The following QTRT1 variants were observed in gnomAD, a reference collection of about 807,000 sequenced individuals.
QTRT1 encodes TGT, 43-KD subunit.
Under a neutral mutation model 44.0 loss-of-function variants are expected in QTRT1, and 41 were observed. That is an observed-to-expected ratio of 0.93 (90% CI 0.73 to 1.21). The LOEUF (loss-of-function observed/expected upper bound fraction) is 1.21, where lower values mean the gene tolerates loss of function less well. QTRT1 is among the 50% of genes most tolerant of loss of function. The probability of loss-of-function intolerance (pLI) is 0.00; values close to 1 mark genes in which losing one functional copy is unlikely to be tolerated. For synonymous variants in QTRT1, 226 were observed against 237.1 expected (o/e 0.95, Z 0.43); for missense variants, 542 against 575.8 (o/e 0.94, Z 0.60).
intron 5 of QTRT1, chr19:10,711,274 C>T (rs1262232733): frequency 5.9e-5 from 9 of 152,190 alleles, no homozygotes; most frequent in African/African-American, 1.7e-4. Flanking sequence ...CGGGTTCAAG[C>T]GATTCTTCTG....
Position 10,713,104 on chromosome 19 carries a change from TC to T in QTRT1, c.1060-10del. On this transcript the variant is annotated splice_polypyrimidine_tract_variant and intron_variant, in intron 9 of 9. Transcript: ENST00000250237. The surrounding 1 kb of genome is among the most constrained non-coding windows in gnomAD (Gnocchi z 4.3). Reference sequence around the variant, plus strand: ...TAGGTGCGTATGCCCCACGCTGACCTCCCCTCCCCGCAGCTGCAGCTCATGA... The same window carrying T: ...TAGGTGCGTATGCCCCACGCTGACCTCCCTCCCCGCAGCTGCAGCTCATGA... 1.2e-6 allele frequency: 2 copies of T among 1,608,310 alleles called. No individual in the cohort carries two copies.
At chr19:10,707,680 T>C in intron 5 of QTRT1, 65 bp downstream of exon 5, 1 of 1,226,690 alleles carries the variant, frequency 8.2e-7, no homozygotes, top group Non-Finnish European at 1.1e-6. Flanking sequence ...GGGCCTGGCG[T>C]ATGGCGGGAC....
intron 5 of QTRT1, chr19:10,711,081 C>G (rs1307219169): frequency 2.6e-5 from 4 of 152,268 alleles, no homozygotes; most frequent in Admixed American, 2.6e-4. Flanking sequence ...AATGCTCTCA[C>G]TCCCCTTTCC....
chr19:10,713,012 A>G lies in QTRT1; in HGVS notation c.1031A>G (p.His344Arg). 1 of 1,611,320 alleles carries G rather than the reference A, an allele frequency of 6.2e-7. No individual in the cohort carries two copies. The highest frequency in any genetic ancestry group is 8.5e-7 in the Non-Finnish European group (1 of 1,179,838). The part of the protein sequence containing the change: ...LHSDNTAALH[H>R]LTVHNIAYQL... ...AGTGACAACACGGCCGCGCTGCACC[A>G]CCTCACGGTCCACAACATCGCCTAC... Residue 344 changes from histidine (H) to arginine (R), a missense_variant, in exon 9 of 10, where the codon CAC becomes CGC. Physicochemically the swap from His to Arg is conservative, Grantham distance 29 (BLOSUM62 0). Coordinates refer to ENST00000250237, the MANE Select transcript of QTRT1 (RefSeq NM_031209.3). The surrounding 1 kb of genome is among the most constrained non-coding windows in gnomAD (Gnocchi z 4.3).
At position 10,707,556 on chromosome 19, in the gene QTRT1, A is replaced by G. The variant is rs771082404; in HGVS notation, c.587A>G (p.Asn196Ser). Reference sequence around the variant, plus strand: ...GCCCATCAGCGGCCGGACAAGCAGAACCTCTTCGCCATTATCCAGGGTGGG... The same window carrying G: ...GCCCATCAGCGGCCGGACAAGCAGAGCCTCTTCGCCATTATCCAGGGTGGG... ...IAAHQRPDKQ[N>S]LFAIIQGGLD... is the part of the protein sequence containing the mutation. The change falls in exon 5 of 10, where the codon AAC (asparagine) becomes AGC (serine). Residue 196 changes from asparagine to serine, a missense_variant. Physicochemically the swap from Asn to Ser is conservative, Grantham distance 46. Coordinates refer to ENST00000250237, the MANE Select transcript of QTRT1 (RefSeq NM_031209.3). 1 of 1,612,724 alleles carries G rather than the reference A, an allele frequency of 6.2e-7. No homozygotes were observed. Among genetic ancestry groups the G allele is most frequent in the South Asian group, 1.1e-5 (1 of 91,008 alleles).
intron 3 of QTRT1, chr19:10,706,790 C>G (rs1014657829): frequency 6.3e-6 from 1 of 159,512 alleles, no homozygotes; most frequent in Non-Finnish European, 1.4e-5. Flanking sequence ...TCAAGCTATT[C>G]TCCTGTCTCT....
chr19:10,704,466 T>C (rs2068703572), intron 3 of QTRT1, among the ~76,000 whole-genome samples: 1 of 151,670 alleles, frequency 6.6e-6, no homozygotes, highest in Admixed American at 6.6e-5. Flanking sequence ...GCTAATTTTT[T>C]TGTACTTTTA....
chr19:10,713,117 G>A lies in QTRT1; in HGVS notation c.1060-1G>A. The A allele has an allele frequency of 6.2e-7, 1 of 1,609,210 alleles. No homozygotes were observed. Among genetic ancestry groups the A allele is most frequent in the Non-Finnish European group, 8.5e-7 (1 of 1,179,346 alleles). ...CCCACGCTGACCTCCCCTCCCCGCA[G>A]CTGCAGCTCATGAGCGCCGTCCGCA... On this transcript the variant is annotated splice_acceptor_variant, in intron 9 of 9. Transcript: ENST00000250237. LOFTEE classifies it high-confidence loss of function. The surrounding 1 kb of genome is among the most constrained non-coding windows in gnomAD (Gnocchi z 4.3).
intron 3 of QTRT1, among the ~76,000 whole-genome samples, chr19:10,705,737 T>C (rs971269833): frequency 6.6e-6 from 1 of 150,990 alleles, no homozygotes; most frequent in Non-Finnish European, 1.5e-5. Context: ...GGTTTCACCA[T>C]ATTGGCCAGG....
intron 1 of QTRT1, 91 bp from the exon 2 acceptor site, chr19:10,701,859 G>T (rs1003111452): frequency 6.3e-7 from 1 of 1,577,364 alleles, no homozygotes; most frequent in African/African-American, 1.3e-5. Context: ...TGAAAGAGCA[G>T]CAGGGACTAA....
Position 10,712,045 on chromosome 19 carries a change from CTG to C in QTRT1, c.647-114_647-113del. 7.6e-7 allele frequency: 1 copy of C among 1,307,556 alleles called. No homozygotes were observed. Among genetic ancestry groups the C allele is most frequent in the Non-Finnish European group, 1.1e-6 (1 of 919,540 alleles). The allele number at this position is 1,307,556 out of a possible 1,614,324, so 81.0% of individuals were successfully genotyped here. ...TCTGGCTCTGTCTGTCTGTCTCTGT[CTG>C]TTTCTCTGACTCTCTCCCTGAGCGA... is the stretch of plus-strand genomic sequence containing the variant. On this transcript the variant is annotated intron_variant, in intron 5 of 9. Transcript: ENST00000250237. This position sits in a 1 kb window ranked among gnomAD's most constrained non-coding sequence, Gnocchi z 5.6.
chr19:10,706,211 AG>A lies in QTRT1; in HGVS notation c.452-1090del, dbSNP rs1477857780. Among the ~76,000 whole-genome samples, 4 of 152,000 alleles carry A rather than the reference AG, an allele frequency of 2.6e-5. No homozygotes were observed. In the East Asian group the frequency reaches 7.8e-4, roughly 30 times the overall value. On this transcript the variant is annotated intron_variant, in intron 3 of 9. Transcript: ENST00000250237. ...CATCTATTTATTTTCTTAATAATGG[AG>A]ATGGGGTCTCTCTGTGTTGCCCAGG...
Position 10,712,951 on chromosome 19 carries a change from AG to A in QTRT1, c.972del. 1 of 1,613,058 alleles carries A rather than the reference AG, an allele frequency of 6.2e-7. No homozygotes were observed. Among genetic ancestry groups the A allele is most frequent in the Non-Finnish European group, 8.5e-7 (1 of 1,179,912 alleles). On this transcript the variant is annotated splice_acceptor_variant, in intron 8 of 9. Coordinates refer to ENST00000250237, the MANE Select transcript of QTRT1 (RefSeq NM_031209.3). LOFTEE classifies it high-confidence loss of function. The surrounding 1 kb of genome is among the most constrained non-coding windows in gnomAD (Gnocchi z 5.6). The stretch of plus-strand genomic sequence containing the variant: ...GCTGAGCTGTCCCCTGCCGCTCTAC[AG>A]GCACAGCCGCGCCTTCCTGCACGCA...
chr19:10,702,276 G>C, intron 3 of QTRT1, 22 bp downstream of exon 3: 2 of 1,610,856 alleles, frequency 1.2e-6, no homozygotes, highest in Non-Finnish European at 1.7e-6. Context: ...CTGGGGAGCC[G>C]CCTCCTTACC....
At chr19:10,706,062 G>T (rs1382940637) in intron 3 of QTRT1, among the ~76,000 whole-genome samples, 1 of 149,842 alleles carries the variant, frequency 6.7e-6, no homozygotes, top group African/African-American at 2.5e-5. Flanking sequence ...CACTGTGTTC[G>T]CCAGGATGGT....
At chr19:10,701,784 C>A in intron 1 of QTRT1, 81 bp downstream of exon 1, 1 of 1,562,668 alleles carries the variant, frequency 6.4e-7, no homozygotes, top group Non-Finnish European at 8.7e-7. Flanking sequence ...GGCCCGGACA[C>A]TCCTCCCAAA....
intron 5 of QTRT1, among the ~76,000 whole-genome samples, chr19:10,709,928 T>C (rs1005324691): frequency 6.6e-6 from 1 of 151,636 alleles, no homozygotes; most frequent in African/African-American, 2.4e-5. Flanking sequence ...GGAGAATCAT[T>C]TGAACCCGGG....
chr19:10,709,049 G>A (rs1380163914), intron 5 of QTRT1: 1 of 152,296 alleles, frequency 6.6e-6, no homozygotes, highest in Non-Finnish European at 1.5e-5. Flanking sequence ...ACAGGCTTGA[G>A]CCACTGCACC....
At chr19:10,706,992 T>G (rs1270806490) in intron 3 of QTRT1, among the ~76,000 whole-genome samples, 1 of 152,238 alleles carries the variant, frequency 6.6e-6, no homozygotes, top group East Asian at 1.9e-4. Flanking sequence ...AGCAGAGCCC[T>G]GCTGATGGAC....
Sources: gnomAD v4.1 joint callset for allele counts (sites outside exome capture counted in the v4.1 genomes callset) on GRCh38, gnomAD v4.1.1 for gene constraint, Gnocchi (gnomAD v3.1) non-coding constraint, MANE v1.5 for transcripts, NCBI Gene and HGNC (gene_info 2026-07-23, HGNC 2026-07-21) for gene names.